Variants in TMEM51 observed in about 807,000 individuals in gnomAD.
TMEM51 encodes transmembrane protein 51.
TMEM51 carries 8 observed loss-of-function variants against 13.6 expected under a neutral mutation model. That is an observed-to-expected ratio of 0.59 (90% CI 0.35 to 1.07). TMEM51 has a LOEUF of 1.07. Among genes scored for constraint, TMEM51 ranks in the 50% least tolerant of loss-of-function variants. The pLI is 0.02. For synonymous variants in TMEM51, 147 were observed against 144.4 expected (o/e 1.02, Z -0.13); for missense variants, 279 against 330.7 (o/e 0.84, Z 1.21).
Position 15,193,006 on chromosome 1 carries a change from T to C in TMEM51, c.-266-17484T>C, listed in dbSNP as rs550330889. Reference sequence around the variant, plus strand: ...TTGTCCCCCTGGGCCCACAGGAGGGTCCCAGTGAGGGCTGCCACCCGCCAG... The same window carrying C: ...TTGTCCCCCTGGGCCCACAGGAGGGCCCCAGTGAGGGCTGCCACCCGCCAG... On this transcript the variant is annotated intron_variant, in intron 1 of 3. Transcript: ENST00000376008. Among the ~76,000 whole-genome samples the C allele has an allele frequency of 7.2e-5, 11 of 152,186 alleles. No homozygotes were observed. The South Asian group carries it at 2.3e-3, about 32-fold the overall frequency.
rs55755539 is a variant in TMEM51 at position 15,200,407 on chromosome 1, CAAAAAAAAAAAAAA to C, written c.-266-10071_-266-10058del. Among the ~76,000 whole-genome samples, 90 of 67,972 alleles carry C rather than the reference CAAAAAAAAAAAAAA, an allele frequency of 1.3e-3. 4 individuals carry two copies. The East Asian group carries it at 0.045, about 34-fold the overall frequency. 44.6% of individuals were successfully genotyped at this position (67,972 alleles called of 152,430 possible). ...TGGGCAACAGAGCGAGACTCTGTCT[CAAAAAAAAAAAAAA>C]AAAAAAAAAAAGAGAGAGATTAGGA... On this transcript the variant is annotated intron_variant, in intron 1 of 3. Coordinates refer to ENST00000376008, the MANE Select transcript of TMEM51 (RefSeq NM_001136218.2).
chr1:15,164,928 G>T (rs372854774), intron 1 of TMEM51, among the ~76,000 whole-genome samples: 2 of 150,834 alleles, frequency 1.3e-5, no homozygotes, highest in African/African-American at 4.9e-5. Flanking sequence ...TCAGCCTCCC[G>T]AGTAGCTGGG....
At chr1:15,168,829 A>G in intron 1 of TMEM51, 7 of 1,252,456 alleles carry the variant, frequency 5.6e-6, no homozygotes, top group Non-Finnish European at 7.2e-6. Context: ...TCAGAGCCAT[A>G]TCCGGCTCAT....
intron 2 of TMEM51, among the ~76,000 whole-genome samples, chr1:15,210,821 C>T (rs1644326964): frequency 6.6e-6 from 1 of 152,094 alleles, no homozygotes; most frequent in South Asian, 2.1e-4. Flanking sequence ...AAAAGAACAC[C>T]ATGCTAAATA....
chr1:15,219,388 A>T lies in TMEM51; in HGVS notation c.407A>T (p.Glu136Val), dbSNP rs1644477248. ...AGGTACTATGTTCCCAGCTACGAGG[A>T]AGTGATGAACACAAACTACTCAGAA... Reference protein sequence around the residue: ...ASRYYVPSYEEVMNTNYSEAR... With the variant: ...ASRYYVPSYEVVMNTNYSEAR... The change falls in exon 4 of 4, where the codon GAA becomes GTA. Residue 136 changes from glutamate (E) to valine (V), a missense_variant. Physicochemically the swap from Glu to Val is moderately radical, Grantham distance 121 (BLOSUM62 -2). Coordinates refer to ENST00000376008, the MANE Select transcript of TMEM51 (RefSeq NM_001136218.2). The T allele has an allele frequency of 6.2e-7, 1 of 1,610,612 alleles. No homozygotes were observed. Among genetic ancestry groups the T allele is most frequent in the Admixed American group, 1.7e-5 (1 of 59,840 alleles).
chr1:15,164,811 T>C (rs1468528462), intron 1 of TMEM51, among the ~76,000 whole-genome samples: 2 of 148,030 alleles, frequency 1.4e-5, no homozygotes, highest in Non-Finnish European at 3.0e-5. Flanking sequence ...TTTTTCCTTT[T>C]TTTTTTTTTT....
intron 2 of TMEM51, among the ~76,000 whole-genome samples, chr1:15,214,015 T>C (rs1340592546): frequency 6.6e-6 from 1 of 151,352 alleles, no homozygotes; most frequent in African/African-American, 2.4e-5. Flanking sequence ...CCTTTTTTTT[T>C]TTTTTTTTTG....
At chr1:15,185,324 T>G (rs1004133455) in intron 1 of TMEM51, among the ~76,000 whole-genome samples, 10 of 152,222 alleles carry the variant, frequency 6.6e-5, no homozygotes, top group African/African-American at 2.4e-4. Flanking sequence ...TCCAAAGAAC[T>G]TTCCAAAAAT....
intron 1 of TMEM51, among the ~76,000 whole-genome samples, chr1:15,172,890 G>A (rs1643334202): frequency 1.3e-5 from 2 of 152,188 alleles, no homozygotes; most frequent in African/African-American, 4.8e-5. Context: ...TGGTCACTTA[G>A]GAGCGGTCTG....
chr1:15,185,129 C>T (rs1202572968), intron 1 of TMEM51, among the ~76,000 whole-genome samples: 1 of 152,006 alleles, frequency 6.6e-6, no homozygotes, highest in Non-Finnish European at 1.5e-5. Flanking sequence ...CGCAGATTTC[C>T]CATAAGCCAC....
intron 1 of TMEM51, among the ~76,000 whole-genome samples, chr1:15,170,040 A>G (rs994241786): frequency 1.3e-5 from 2 of 152,232 alleles, no homozygotes; most frequent in Admixed American, 6.5e-5. Flanking sequence ...ACCTTGAGCC[A>G]TGGCTCACTT....
Position 15,207,292 on chromosome 1 carries a change from G to A in TMEM51, c.-266-3198G>A, listed in dbSNP as rs565622971. Among the ~76,000 whole-genome samples the A allele has an allele frequency of 2.0e-5, 3 of 152,286 alleles. No homozygotes were observed. The highest frequency in any genetic ancestry group is 4.1e-4 in the South Asian group (2 of 4,830). On this transcript the variant is annotated intron_variant, in intron 1 of 3. Coordinates refer to ENST00000376008, the MANE Select transcript of TMEM51 (RefSeq NM_001136218.2). This position sits in a 1 kb window ranked among gnomAD's most constrained non-coding sequence, Gnocchi z 4.6. ...GGGCGCTTCTGCAACTGCACCTTCC[G>A]GGGCCACAGCACAGAACTCAGTGGT...
At chr1:15,199,457 CA>C (rs1326285219) in intron 1 of TMEM51, among the ~76,000 whole-genome samples, 3 of 152,130 alleles carry the variant, frequency 2.0e-5, no homozygotes, top group African/African-American at 7.2e-5. Flanking sequence ...TTTTAAAACC[CA>C]GGGGGGCAGG....
intron 1 of TMEM51, among the ~76,000 whole-genome samples, chr1:15,173,236 T>G (rs1001038957): frequency 0.012 from 677 of 55,908 alleles, 1 homozygote; most frequent in Non-Finnish European, 0.024. Context: ...TTTTTTTTTT[T>G]TGAAACGGAG....
intron 2 of TMEM51, among the ~76,000 whole-genome samples, chr1:15,211,524 A>G (rs115880171): frequency 1.5e-3 from 231 of 152,284 alleles, no homozygotes; most frequent in African/African-American, 5.5e-3. Flanking sequence ...TTTATTTATC[A>G]TAACTCCCCT....
intron 1 of TMEM51, among the ~76,000 whole-genome samples, chr1:15,197,650 G>A (rs1414491537): frequency 4.4e-5 from 6 of 137,250 alleles, no homozygotes; most frequent in African/African-American, 1.5e-4. Flanking sequence ...CTCCGATTAT[G>A]GGCACAGGCT....
At chr1:15,181,050 G>A (rs1195658793) in intron 1 of TMEM51, among the ~76,000 whole-genome samples, 1 of 152,184 alleles carries the variant, frequency 6.6e-6, no homozygotes, top group Non-Finnish European at 1.5e-5. Flanking sequence ...CCTTCCGGAA[G>A]GCTGTGTGCA....
At chr1:15,188,169 C>T (rs1643843204) in intron 1 of TMEM51, among the ~76,000 whole-genome samples, 1 of 152,188 alleles carries the variant, frequency 6.6e-6, no homozygotes, top group South Asian at 2.1e-4. Flanking sequence ...CACCTCGGCT[C>T]GCGTTAGCTC....
chr1:15,174,950 G>A (rs1015094285), intron 1 of TMEM51, among the ~76,000 whole-genome samples: 2 of 152,196 alleles, frequency 1.3e-5, no homozygotes, highest in Non-Finnish European at 2.9e-5. Flanking sequence ...GGGAGTTAGA[G>A]CTTCATATGA....
Sources: gnomAD v4.1 joint callset for allele counts (sites outside exome capture counted in the v4.1 genomes callset) on GRCh38, gnomAD v4.1.1 for gene constraint, Gnocchi (gnomAD v3.1) non-coding constraint, MANE v1.5 for transcripts, NCBI Gene and HGNC (gene_info 2026-07-23, HGNC 2026-07-21) for gene names.